The following IMMP2L variants were observed in gnomAD, a reference collection of about 807,000 sequenced individuals.
IMMP2L encodes inner mitochondrial membrane peptidase subunit 2.
A neutral mutation model predicts 19.3 loss-of-function variants in IMMP2L; 18 were observed. The ratio of observed to expected loss-of-function variants is 0.93; its 90% CI spans 0.64 to 1.38. The LOEUF (loss-of-function observed/expected upper bound fraction) is 1.38, where lower values mean the gene tolerates loss of function less well. Ranked by LOEUF, IMMP2L falls within the 40% of genes most tolerant of loss-of-function variation. The pLI is 0.00. For synonymous variants in IMMP2L, 76 were observed against 73.0 expected (o/e 1.04, Z -0.21); for missense variants, 233 against 218.2 (o/e 1.07, Z -0.43).
intron 3 of IMMP2L, among the ~76,000 whole-genome samples, chr7:111,477,434 C>T (rs571725255): frequency 2.0e-5 from 3 of 152,224 alleles, no homozygotes; most frequent in Admixed American, 1.3e-4. Flanking sequence ...AAAAAGAATG[C>T]ATTTCTCTTT....
At chr7:110,836,515 T>C (rs1038148552) in intron 5 of IMMP2L, among the ~76,000 whole-genome samples, 1 of 152,138 alleles carries the variant, frequency 6.6e-6, no homozygotes, top group African/African-American at 2.4e-5. Flanking sequence ...TGCTGCCATG[T>C]GAGACGTGCC....
chr7:110,753,299 A>G (rs1416515981), intron 5 of IMMP2L, among the ~76,000 whole-genome samples: 1 of 152,064 alleles, frequency 6.6e-6, no homozygotes, highest in Non-Finnish European at 1.5e-5. Flanking sequence ...AGATATTAGA[A>G]AAGGGAATAG....
chr7:110,716,337 T>C (rs567381915), intron 5 of IMMP2L, among the ~76,000 whole-genome samples: 1 of 152,234 alleles, frequency 6.6e-6, no homozygotes, highest in East Asian at 1.9e-4. Flanking sequence ...GATCCTATAA[T>C]GAAGTTTGTT....
intron 5 of IMMP2L, among the ~76,000 whole-genome samples, chr7:110,678,529 T>G (rs974950983): frequency 6.6e-6 from 1 of 151,784 alleles, no homozygotes; most frequent in African/African-American, 2.4e-5. Flanking sequence ...CCCTACTAGA[T>G]GCTGGAAATA....
intron 5 of IMMP2L, among the ~76,000 whole-genome samples, chr7:110,725,156 A>G (rs2030780): frequency 0.78 from 118,011 of 152,038 alleles, 45,877 homozygotes; most frequent in East Asian, 0.82. Context: ...TATCACTGAC[A>G]CCACAAAGGC....
intron 3 of IMMP2L, among the ~76,000 whole-genome samples, chr7:111,099,333 A>G (rs1797729817): frequency 6.6e-6 from 1 of 151,706 alleles, no homozygotes; most frequent in African/African-American, 2.4e-5. Context: ...TAGTCTGAAT[A>G]CAATTTCATT....
At chr7:111,319,164 T>G (rs1471973136) in intron 3 of IMMP2L, among the ~76,000 whole-genome samples, 1 of 152,140 alleles carries the variant, frequency 6.6e-6, no homozygotes, top group Non-Finnish European at 1.5e-5. Context: ...AGGAATCATT[T>G]GTAATCTTGT....
At chr7:110,871,108 C>G (rs1248875504) in intron 5 of IMMP2L, among the ~76,000 whole-genome samples, 1 of 152,122 alleles carries the variant, frequency 6.6e-6, no homozygotes, top group Non-Finnish European at 1.5e-5. Context: ...CCCAAGGATG[C>G]CGCCTAACTT....
chr7:111,354,900 T>A lies in IMMP2L; in HGVS notation c.239+132338A>T, dbSNP rs190039354. Among the ~76,000 whole-genome samples, 4 of 151,952 alleles carry A rather than the reference T, an allele frequency of 2.6e-5. No homozygotes were observed. In the East Asian group the frequency reaches 7.7e-4, roughly 29 times the overall value. On this transcript the variant is annotated intron_variant, in intron 3 of 5. Coordinates refer to ENST00000405709, the MANE Select transcript of IMMP2L (RefSeq NM_032549.4). ...CTGAAAAATGAAGATACGCCATTCA[T>A]TCGACAAAAAGTTAAATCCCTACCC...
intron 5 of IMMP2L, among the ~76,000 whole-genome samples, chr7:110,741,857 T>A (rs1330834189): frequency 6.6e-6 from 1 of 152,202 alleles, no homozygotes; most frequent in Non-Finnish European, 1.5e-5. Flanking sequence ...GGGATTGTAA[T>A]GTATAAATCA....
At chr7:111,003,143 T>C (rs1374829780) in intron 3 of IMMP2L, among the ~76,000 whole-genome samples, 1 of 152,206 alleles carries the variant, frequency 6.6e-6, no homozygotes, top group Non-Finnish European at 1.5e-5. Context: ...TAGTTCATTG[T>C]TCACTTAATC....
At chr7:111,412,661 C>T (rs560562365) in intron 3 of IMMP2L, among the ~76,000 whole-genome samples, 3 of 151,954 alleles carry the variant, frequency 2.0e-5, no homozygotes, top group South Asian at 4.2e-4. Context: ...ATGTGCTACA[C>T]ACTAAAAATC....
rs565301941 is a variant in IMMP2L at position 111,101,352 on chromosome 7, G to A, written c.240-137787C>T. ...TAATGTCTATAAGATACAACAAGCA[G>A]AATCATATATTCGTGTCTGTGATGA... On this transcript the variant is annotated intron_variant, in intron 3 of 5. Coordinates refer to ENST00000405709, the MANE Select transcript of IMMP2L (RefSeq NM_032549.4). 2.0e-5 allele frequency among the ~76,000 whole-genome samples: 3 copies of A among 151,476 alleles called. No homozygotes were observed. The South Asian group carries it at 6.2e-4, about 31-fold the overall frequency.
At chr7:111,136,095 C>G (rs1802308762) in intron 3 of IMMP2L, among the ~76,000 whole-genome samples, 1 of 151,342 alleles carries the variant, frequency 6.6e-6, no homozygotes. Flanking sequence ...GTGGCATGAT[C>G]TCAGCTCACT....
chr7:110,682,877 C>G (rs1792828901), intron 5 of IMMP2L, among the ~76,000 whole-genome samples: 1 of 152,040 alleles, frequency 6.6e-6, no homozygotes, highest in Non-Finnish European at 1.5e-5. Context: ...TGGGGGAACA[C>G]AGCATTTCGG....
At chr7:110,818,548 T>A (rs1012443715) in intron 5 of IMMP2L, among the ~76,000 whole-genome samples, 23 of 152,086 alleles carry the variant, frequency 1.5e-4, no homozygotes, top group Non-Finnish European at 2.9e-4. Context: ...TTGTGGAAGT[T>A]GGTGTGGCGA....
intron 5 of IMMP2L, among the ~76,000 whole-genome samples, chr7:110,689,411 C>G (rs1187361261): frequency 1.3e-5 from 2 of 151,922 alleles, no homozygotes; most frequent in African/African-American, 4.8e-5. Context: ...TATTTTTAAA[C>G]TCTTTATCTC....
At chr7:111,117,795 G>T (rs904646019) in intron 3 of IMMP2L, among the ~76,000 whole-genome samples, 2 of 152,062 alleles carry the variant, frequency 1.3e-5, no homozygotes, top group Admixed American at 1.3e-4. Flanking sequence ...AGGAAAAACT[G>T]GGTTTTAATG....
At chr7:111,164,141 G>GAGGA (rs148915362) in intron 3 of IMMP2L, among the ~76,000 whole-genome samples, 19 of 150,218 alleles carry the variant, frequency 1.3e-4, no homozygotes, top group South Asian at 4.2e-4. Context: ...GAGAGGGAGA[G>GAGGA]AGGAAGGAAG....
Sources: allele counts gnomAD v4.1 joint callset (sites outside exome capture counted in the v4.1 genomes callset), GRCh38; gene constraint gnomAD v4.1.1; transcripts MANE v1.5; gene names NCBI Gene and HGNC (gene_info 2026-07-23, HGNC 2026-07-21).